The following CEP63 variants were observed in gnomAD, a reference collection of about 807,000 sequenced individuals.
CEP63 encodes the protein centrosomal protein 63.
A neutral mutation model predicts 89.1 loss-of-function variants in CEP63; 84 were observed. The ratio of observed to expected loss-of-function variants is 0.94; its 90% CI spans 0.79 to 1.13. CEP63 has a LOEUF of 1.13. Ranked by LOEUF, CEP63 falls within the 50% of genes most tolerant of loss-of-function variation. The pLI, the probability that CEP63 is intolerant of heterozygous loss-of-function variation, is 0.00. For synonymous variants in CEP63, 267 were observed against 272.5 expected, an observed-to-expected ratio of 0.98 and a Z score of 0.20; for missense variants, 838 against 813.3, an observed-to-expected ratio of 1.03 and a Z score of -0.37.
intron 8 of CEP63, among the ~76,000 whole-genome samples, chr3:134,546,591 A>C (rs1275605116): frequency 6.6e-6 from 1 of 152,144 alleles, no homozygotes; most frequent in Non-Finnish European, 1.5e-5. Flanking sequence ...TCCTAACCTC[A>C]GGTGATCTGC....
the CEP63 span, among the ~76,000 whole-genome samples, chr3:134,770,970 C>G: frequency 6.6e-6 from 1 of 152,186 alleles, no homozygotes; most frequent in South Asian, 2.1e-4. Flanking sequence ...TCTCCTGATT[C>G]CCTTAGCAAC....
the CEP63 span, among the ~76,000 whole-genome samples, chr3:134,652,028 A>C: frequency 6.6e-6 from 1 of 151,970 alleles, no homozygotes; most frequent in East Asian, 1.9e-4. Flanking sequence ...TATGGACCCC[A>C]CCTTGTAGCA....
the CEP63 span, among the ~76,000 whole-genome samples, chr3:134,631,687 A>G: frequency 2.0e-5 from 3 of 152,172 alleles, no homozygotes; most frequent in Admixed American, 2.0e-4. Context: ...AAGTACATAT[A>G]ATACATACAA....
chr3:134,748,983 T>C, the CEP63 span, among the ~76,000 whole-genome samples: 1 of 151,724 alleles, frequency 6.6e-6, no homozygotes, highest in African/African-American at 2.4e-5. Context: ...CACTTGCAGG[T>C]GGGAATAGTT....
the CEP63 span, among the ~76,000 whole-genome samples, chr3:134,675,235 A>G: frequency 6.6e-6 from 1 of 152,364 alleles, no homozygotes; most frequent in Middle Eastern, 3.4e-3. Flanking sequence ...AAACCCATAC[A>G]TCTATGGTCA....
At chr3:134,703,187 T>C in the CEP63 span, among the ~76,000 whole-genome samples, 1 of 150,976 alleles carries the variant, frequency 6.6e-6, no homozygotes, top group African/African-American at 2.4e-5. Flanking sequence ...TCCCAGCTAC[T>C]TGGGAGGCTG....
At chr3:134,757,876 C>T in the CEP63 span, among the ~76,000 whole-genome samples, 1 of 151,808 alleles carries the variant, frequency 6.6e-6, no homozygotes, top group Non-Finnish European at 1.5e-5. Context: ...TGTGCCCCTC[C>T]GTGGAGGGGA....
intron 12 of CEP63, among the ~76,000 whole-genome samples, chr3:134,557,097 AT>A (rs1956321195): frequency 3.9e-5 from 6 of 152,172 alleles, no homozygotes; most frequent in Admixed American, 3.9e-4. Flanking sequence ...TTAAATGTCT[AT>A]TTTAATAAAT....
rs1950766655 is a variant in CEP63 at position 134,536,300 on chromosome 3, A to G, written c.442-855A>G. On this transcript the variant is annotated intron_variant, in intron 5 of 14. Transcript: ENST00000675561. ...TAAGTATTGTATCCCTGACTCCTAA[A>G]GCAGTACCTGGCATATATAGTAGAA... 3.3e-5 allele frequency: 5 copies of G among 152,466 alleles called. No individual in the cohort carries two copies. The South Asian group carries it at 1.0e-3, about 32-fold the overall frequency. 9.4% of individuals were successfully genotyped at this position (152,466 alleles called of 1,614,324 possible).
chr3:134,778,169 C>T, the CEP63 span, among the ~76,000 whole-genome samples: 9 of 150,616 alleles, frequency 6.0e-5, no homozygotes, highest in African/African-American at 2.0e-4. Flanking sequence ...GTGATCTCAG[C>T]TCACTGCAAC....
At chr3:134,679,596 T>C in the CEP63 span, among the ~76,000 whole-genome samples, 2 of 152,228 alleles carry the variant, frequency 1.3e-5, no homozygotes, top group Non-Finnish European at 2.9e-5. Context: ...CTCCCTGCAA[T>C]TTCATATGTT....
At chr3:134,550,409 G>C in intron 11 of CEP63, 149 bp downstream of exon 11, 1 of 777,654 alleles carries the variant, frequency 1.3e-6, no homozygotes, top group Non-Finnish European at 2.2e-6. Context: ...AAAGAGTTTA[G>C]TGAGCATGGT....
chr3:134,487,730 C>T (rs372767751), intron 1 of CEP63, among the ~76,000 whole-genome samples: 1 of 152,246 alleles, frequency 6.6e-6, no homozygotes, highest in African/African-American at 2.4e-5. Flanking sequence ...ATTACACATA[C>T]ACAAATTAAT....
the CEP63 span, among the ~76,000 whole-genome samples, chr3:134,661,696 A>G: frequency 6.6e-6 from 1 of 152,054 alleles, no homozygotes; most frequent in African/African-American, 2.4e-5. Flanking sequence ...GATAAAGGGG[A>G]AAAAGGGAAG....
the CEP63 span, chr3:134,619,237 C>T: frequency 2.5e-6 from 4 of 1,613,808 alleles, no homozygotes; most frequent in African/African-American, 1.3e-5. Flanking sequence ...CTTGGCGGTC[C>T]TTCTCCTGAG....
chr3:134,710,941 C>G, the CEP63 span, among the ~76,000 whole-genome samples: 1 of 151,882 alleles, frequency 6.6e-6, no homozygotes, highest in East Asian at 1.9e-4. Context: ...AGGATAGTCT[C>G]GATCTCCTGA....
chr3:134,668,308 C>G, the CEP63 span, among the ~76,000 whole-genome samples: 14 of 152,190 alleles, frequency 9.2e-5, no homozygotes, highest in South Asian at 2.1e-3. Context: ...TCTTGAGTCT[C>G]TCTGACCTAC....
intron 12 of CEP63, among the ~76,000 whole-genome samples, chr3:134,555,444 T>A (rs959653632): frequency 3.1e-4 from 47 of 150,360 alleles, no homozygotes; most frequent in Non-Finnish European, 4.5e-4. Flanking sequence ...ACAAAATCAA[T>A]GTACAAAAAT....
chr3:134,715,392 C>A, the CEP63 span, among the ~76,000 whole-genome samples: 1 of 152,166 alleles, frequency 6.6e-6, no homozygotes, highest in Non-Finnish European at 1.5e-5. Context: ...CTACTGGTTC[C>A]TGTATAGAAG....
Sources: gnomAD v4.1 joint callset for allele counts (sites outside exome capture counted in the v4.1 genomes callset) on GRCh38, gnomAD v4.1.1 for gene constraint, MANE v1.5 for transcripts, NCBI Gene and HGNC (gene_info 2026-07-23, HGNC 2026-07-21) for gene names.